ANKFN1: variants seen among roughly 807,000 people sequenced by gnomAD.
The protein encoded by ANKFN1 is ankyrin repeat and fibronectin type-III domain-containing protein 1.
Under a neutral mutation model 108.7 loss-of-function variants are expected in ANKFN1, and 74 were observed. That is an observed-to-expected ratio of 0.68 (90% confidence interval 0.56 to 0.83). The LOEUF (loss-of-function observed/expected upper bound fraction) is 0.83. Among genes scored for constraint, ANKFN1 ranks in the 40% least tolerant of loss-of-function variants. The pLI is 0.00. For synonymous variants in ANKFN1, 547 were observed against 516.2 expected (o/e 1.06, Z -0.81); for missense variants, 1,505 against 1,382.3 (o/e 1.09, Z -1.41).
chr17:56,141,203 G>T (rs78734617), intron 4 of ANKFN1, among the ~76,000 whole-genome samples: 1,642 of 152,286 alleles, frequency 0.011, 26 homozygotes, highest in African/African-American at 0.037. Context: ...GACAGTGGGT[G>T]TTGGCAGGCA....
chr17:56,315,315 T>C (rs1052904722), intron 3 of ANKFN1, among the ~76,000 whole-genome samples: 1 of 152,228 alleles, frequency 6.6e-6, no homozygotes, highest in Admixed American at 6.5e-5. Flanking sequence ...CCACTTTTCC[T>C]TGATGCTGAA....
At chr17:56,335,755 G>C (rs1284597542) in intron 4 of ANKFN1, among the ~76,000 whole-genome samples, 1 of 152,178 alleles carries the variant, frequency 6.6e-6, no homozygotes, top group Non-Finnish European at 1.5e-5. Flanking sequence ...ACACTATGTT[G>C]AATAGGAGTG....
intron 10 of ANKFN1, 82 bp downstream of exon 10, chr17:56,443,015 CT>C: frequency 7.3e-7 from 1 of 1,369,308 alleles, no homozygotes; most frequent in Non-Finnish European, 1.0e-6. Context: ...TTGCCATTCC[CT>C]TCCCCCACTG....
intron 4 of ANKFN1, among the ~76,000 whole-genome samples, chr17:56,335,804 G>T (rs1488503468): frequency 7.0e-6 from 1 of 143,876 alleles, no homozygotes; most frequent in Non-Finnish European, 1.5e-5. Context: ...AGTTTTCAAA[G>T]GGAGGGCTTC....
At chr17:56,385,980 C>G (rs2047254986) in intron 8 of ANKFN1, among the ~76,000 whole-genome samples, 1 of 152,080 alleles carries the variant, frequency 6.6e-6, no homozygotes, top group South Asian at 2.1e-4. Flanking sequence ...GGTATATACC[C>G]AAAGGACTAT....
intron 4 of ANKFN1, among the ~76,000 whole-genome samples, chr17:56,065,169 T>G (rs1905041020): frequency 6.6e-6 from 1 of 152,224 alleles, no homozygotes; most frequent in East Asian, 1.9e-4. Context: ...ATCTTGGCCC[T>G]GCACCTCATT....
At chr17:56,427,077 T>A (rs2048592425) in intron 8 of ANKFN1, among the ~76,000 whole-genome samples, 1 of 152,226 alleles carries the variant, frequency 6.6e-6, no homozygotes, top group Non-Finnish European at 1.5e-5. Flanking sequence ...GGAAGAAGAC[T>A]GGGGCTGGCC....
At chr17:56,451,590 C>A (rs56336515) in intron 11 of ANKFN1, among the ~76,000 whole-genome samples, 2,719 of 152,220 alleles carry the variant, frequency 0.018, 55 homozygotes, top group East Asian at 0.092. Context: ...CACTTACAAG[C>A]TGTGTATTAT....
At chr17:56,312,591 G>A (rs562616914) in intron 3 of ANKFN1, among the ~76,000 whole-genome samples, 4 of 152,084 alleles carry the variant, frequency 2.6e-5, no homozygotes, top group South Asian at 4.1e-4. Context: ...TCCTTTGCTC[G>A]TCTCCAGTTT....
intron 15 of ANKFN1, among the ~76,000 whole-genome samples, chr17:56,474,115 C>A (rs1253865661): frequency 6.6e-6 from 1 of 152,174 alleles, no homozygotes. Flanking sequence ...TTGGGACCCA[C>A]AAATTTGATG....
intron 11 of ANKFN1, among the ~76,000 whole-genome samples, chr17:56,453,445 A>T (rs527890324): frequency 6.6e-6 from 1 of 152,196 alleles, no homozygotes; most frequent in African/African-American, 2.4e-5. Flanking sequence ...CTTGAATTAA[A>T]TCAGTCTTCT....
Position 56,499,015 on chromosome 17 carries a change from T to A in ANKFN1, c.2561T>A (p.Ile854Asn). Residue 854 changes from isoleucine (I) to asparagine (N), a missense_variant, in exon 20 of 21, where the codon ATC becomes AAC. Transcript: ENST00000682825. The part of the protein sequence containing the change: ...DPSDEQSLKK[I>N]NSTSSSHIDC... ...TCAGATGAGCAGAGCCTAAAGAAGA[T>A]CAATTCTACATCATCATCACATATA... The A allele has an allele frequency of 6.5e-7, 1 of 1,535,716 alleles. No individual in the cohort carries two copies. The highest frequency in any genetic ancestry group is 8.7e-7 in the Non-Finnish European group (1 of 1,146,662).
At chr17:56,384,784 G>C (rs2047212836) in intron 8 of ANKFN1, among the ~76,000 whole-genome samples, 1 of 152,008 alleles carries the variant, frequency 6.6e-6, no homozygotes, top group Admixed American at 6.6e-5. Flanking sequence ...ACCTCTTCAA[G>C]GAGAACTACA....
At chr17:56,281,007 G>A (rs138265728) in intron 3 of ANKFN1, among the ~76,000 whole-genome samples, 10,221 of 151,838 alleles carry the variant, frequency 0.067, 873 homozygotes, top group African/African-American at 0.2. Context: ...GTCTGCCACC[G>A]TGTGAGATGG....
intron 3 of ANKFN1, among the ~76,000 whole-genome samples, chr17:56,260,751 G>A (rs1404111716): frequency 1.3e-5 from 2 of 152,156 alleles, no homozygotes; most frequent in Admixed American, 6.5e-5. Flanking sequence ...CACAGTAGAA[G>A]CATGGCTGTT....
intron 19 of ANKFN1, 115 bp downstream of exon 19, chr17:56,492,468 G>GT: frequency 1.7e-6 from 1 of 589,694 alleles, no homozygotes; most frequent in Non-Finnish European, 3.1e-6. Flanking sequence ...AACACGGTGT[G>GT]TAAGTTGCCT....
intron 8 of ANKFN1, among the ~76,000 whole-genome samples, chr17:56,422,220 A>C (rs1036076144): frequency 2.6e-5 from 4 of 152,206 alleles, no homozygotes; most frequent in Non-Finnish European, 5.9e-5. Context: ...TTGCTAACGC[A>C]TGGTACTTAT....
intron 8 of ANKFN1, among the ~76,000 whole-genome samples, chr17:56,392,319 C>G (rs1187971061): frequency 2.0e-5 from 3 of 152,186 alleles, no homozygotes; most frequent in African/African-American, 7.2e-5. Context: ...AATTAACAAA[C>G]AAATGCATGA....
At chr17:56,213,383 G>A (rs928186897) in intron 2 of ANKFN1, among the ~76,000 whole-genome samples, 38 of 152,104 alleles carry the variant, frequency 2.5e-4, no homozygotes, top group African/African-American at 8.7e-4. Flanking sequence ...CATGGCCCAC[G>A]CTGGATGCCT....
Sources: gnomAD v4.1 joint callset for allele counts (sites outside exome capture counted in the v4.1 genomes callset) on GRCh38, gnomAD v4.1.1 for gene constraint, MANE v1.5 for transcripts, NCBI Gene and HGNC (gene_info 2026-07-23, HGNC 2026-07-21) for gene names.